SPOCK3: variants seen among roughly 807,000 people sequenced by gnomAD.
The protein encoded by SPOCK3 is testican-3.
A neutral mutation model predicts 56.6 loss-of-function variants in SPOCK3; 30 were observed. The ratio of observed to expected loss-of-function variants is 0.53; its 90% CI spans 0.40 to 0.72. SPOCK3 has a LOEUF of 0.72. Among genes scored for constraint, SPOCK3 ranks in the 30% least tolerant of loss-of-function variants. SPOCK3 has a pLI of 0.00. For synonymous variants in SPOCK3, 196 were observed against 183.3 expected (o/e 1.07, Z -0.56); for missense variants, 527 against 530.0 (o/e 0.99, Z 0.06).
At chr4:167,133,164 G>C (rs768337607) in intron 2 of SPOCK3, among the ~76,000 whole-genome samples, 12 of 152,126 alleles carry the variant, frequency 7.9e-5, no homozygotes, top group African/African-American at 2.4e-5. Flanking sequence ...TCTTGAGATA[G>C]ACAGAGTATT....
At chr4:166,782,668 C>T (rs1250595165) in intron 7 of SPOCK3, among the ~76,000 whole-genome samples, 1 of 152,014 alleles carries the variant, frequency 6.6e-6, no homozygotes, top group Admixed American at 6.6e-5. Flanking sequence ...AAATAGGTAG[C>T]ATTTAAAAAG....
At chr4:166,834,511 T>C (rs952566473) in intron 6 of SPOCK3, among the ~76,000 whole-genome samples, 2 of 152,206 alleles carry the variant, frequency 1.3e-5, no homozygotes, top group South Asian at 2.1e-4. Flanking sequence ...GAAAATTCAA[T>C]TGGGAACCAT....
chr4:167,151,535 C>T (rs1008621408), intron 2 of SPOCK3, among the ~76,000 whole-genome samples: 2 of 151,400 alleles, frequency 1.3e-5, no homozygotes, highest in Admixed American at 6.6e-5. Flanking sequence ...CCCAGGTTCA[C>T]GCCATTCTCC....
At chr4:167,063,283 C>T (rs1755788142) in intron 2 of SPOCK3, among the ~76,000 whole-genome samples, 1 of 151,760 alleles carries the variant, frequency 6.6e-6, no homozygotes, top group South Asian at 2.1e-4. Context: ...TAGACTATGT[C>T]TATTTACCGT....
intron 2 of SPOCK3, among the ~76,000 whole-genome samples, chr4:167,173,271 GCTC>G (rs1208732491): frequency 6.6e-6 from 1 of 152,022 alleles, no homozygotes; most frequent in Non-Finnish European, 1.5e-5. Context: ...ATTATTTTCT[GCTC>G]CTTCTACTAC....
intron 2 of SPOCK3, among the ~76,000 whole-genome samples, chr4:167,180,034 T>A (rs909871698): frequency 3.3e-5 from 5 of 152,148 alleles, no homozygotes; most frequent in African/African-American, 1.2e-4. Context: ...AGGGACTCCA[T>A]TTCAGTGAAA....
At chr4:167,149,899 T>C (rs1220899960) in intron 2 of SPOCK3, among the ~76,000 whole-genome samples, 1 of 151,824 alleles carries the variant, frequency 6.6e-6, no homozygotes, top group Non-Finnish European at 1.5e-5. Flanking sequence ...GATGTGAGTT[T>C]GAATTTGAAC....
At chr4:167,117,782 A>T (rs1761553625) in intron 2 of SPOCK3, among the ~76,000 whole-genome samples, 2 of 152,302 alleles carry the variant, frequency 1.3e-5, no homozygotes, top group South Asian at 4.1e-4. Flanking sequence ...CTGGAAGTCA[A>T]TGCACACATT....
intron 2 of SPOCK3, among the ~76,000 whole-genome samples, chr4:167,101,236 T>A (rs943573616): frequency 6.6e-6 from 1 of 152,088 alleles, no homozygotes. Context: ...ATTTCTAAGC[T>A]CTTTCTCCCT....
chr4:166,945,514 T>C (rs536027394), intron 4 of SPOCK3, among the ~76,000 whole-genome samples: 1 of 152,286 alleles, frequency 6.6e-6, no homozygotes, highest in Admixed American at 6.5e-5. Flanking sequence ...GTTTCCCATA[T>C]AGATTCTGCC....
chr4:166,834,009 C>T (rs921037303), intron 6 of SPOCK3, among the ~76,000 whole-genome samples: 3 of 152,204 alleles, frequency 2.0e-5, no homozygotes, highest in Admixed American at 1.3e-4. Flanking sequence ...TTTCCAATAT[C>T]TTACTCAGAG....
rs149172344 is a variant in SPOCK3, at chr4:167,064,701, C to A, written c.190-2164G>T. 4.0e-5 allele frequency among the ~76,000 whole-genome samples: 6 copies of A among 151,806 alleles called. No homozygotes were observed. In the East Asian group the frequency reaches 9.8e-4, roughly 25 times the overall value. ...GGGCAAACCAGAATTTTAAGTCTGG[C>A]TCTACCACTTATTAGCTGCATCACT... On this transcript the variant is annotated intron_variant, in intron 2 of 10. Transcript: ENST00000357545.
At chr4:167,194,939 C>A (rs1022781000) in intron 2 of SPOCK3, among the ~76,000 whole-genome samples, 2 of 152,162 alleles carry the variant, frequency 1.3e-5, no homozygotes, top group South Asian at 2.1e-4. Flanking sequence ...CCTGTGTTGG[C>A]AGTACTAGCC....
chr4:167,108,135 A>G (rs1760329556), intron 2 of SPOCK3, among the ~76,000 whole-genome samples: 1 of 151,932 alleles, frequency 6.6e-6, no homozygotes, highest in Non-Finnish European at 1.5e-5. Context: ...AATGGCTTTT[A>G]TCCAAAAGAT....
chr4:166,857,723 A>C (rs998938241), intron 6 of SPOCK3, among the ~76,000 whole-genome samples: 2 of 152,234 alleles, frequency 1.3e-5, no homozygotes, highest in African/African-American at 4.8e-5. Flanking sequence ...CTCCAAATAT[A>C]AAGTCATTCA....
Position 167,015,486 on chromosome 4 carries a change from T to G in SPOCK3, c.236-15023A>C, listed in dbSNP as rs1042487346. 8.5e-5 allele frequency among the ~76,000 whole-genome samples: 13 copies of G among 152,320 alleles called. 1 individual carries two copies. Among genetic ancestry groups the G allele is most frequent in the African/African-American group, 3.1e-4 (13 of 41,588 alleles). ...CTTTGTAAATGTTTTTCAAATAATT[T>G]CTTCTTTCAGAAGATTGATGTTGCT... On this transcript the variant is annotated intron_variant, in intron 3 of 10. Transcript: ENST00000357545.
At chr4:166,939,205 T>TGGAATTGA (rs1740786338) in intron 4 of SPOCK3, among the ~76,000 whole-genome samples, 4 of 152,076 alleles carry the variant, frequency 2.6e-5, no homozygotes, top group Admixed American at 2.6e-4. Context: ...AACTAGGTGA[T>TGGAATTGA]GGAATTGATG....
At chr4:166,762,577 G>C (rs2124457) in intron 7 of SPOCK3, among the ~76,000 whole-genome samples, 50,119 of 151,844 alleles carry the variant, frequency 0.33, 8,431 homozygotes, top group Admixed American at 0.42. Flanking sequence ...CAGTTTGGAG[G>C]ATGCAGAAGT....
intron 3 of SPOCK3, among the ~76,000 whole-genome samples, chr4:167,022,125 T>C (rs998040888): frequency 6.6e-6 from 1 of 151,922 alleles, no homozygotes; most frequent in African/African-American, 2.4e-5. Context: ...CATCTAGTAC[T>C]GAATAACTCA....
Sources: gnomAD v4.1 joint callset for allele counts (sites outside exome capture counted in the v4.1 genomes callset) on GRCh38, gnomAD v4.1.1 for gene constraint, MANE v1.5 for transcripts, NCBI Gene and HGNC (gene_info 2026-07-23, HGNC 2026-07-21) for gene names.